The following HACD3 variants were observed in gnomAD, a reference collection of about 807,000 sequenced individuals.
The protein encoded by HACD3 is 3-hydroxyacyl-CoA dehydratase 3.
Under a neutral mutation model 55.2 loss-of-function variants are expected in HACD3, and 30 were observed. That is an observed-to-expected ratio of 0.54 (90% CI 0.41 to 0.74). HACD3 has a LOEUF of 0.74. HACD3 is among the 30% of genes least tolerant of loss of function. HACD3 has a pLI of 0.00. For missense variants in HACD3, 363 were observed against 440.1 expected (o/e 0.82, Z 1.57); for synonymous variants, 141 against 151.7 (o/e 0.93, Z 0.52).
intron 1 of HACD3, among the ~76,000 whole-genome samples, chr15:65,543,880 G>C (rs902151129): frequency 1.3e-5 from 2 of 152,154 alleles, no homozygotes; most frequent in African/African-American, 2.4e-5. Context: ...GATCACAAAA[G>C]AAAATCTGTG....
At chr15:65,549,773 A>C (rs2072114726) in intron 1 of HACD3, among the ~76,000 whole-genome samples, 1 of 152,192 alleles carries the variant, frequency 6.6e-6, no homozygotes, top group South Asian at 2.1e-4. Context: ...ACACTTAGCT[A>C]AGTATTAATA....
chr15:65,568,632 T>C (rs2072317027), intron 7 of HACD3, among the ~76,000 whole-genome samples: 1 of 152,120 alleles, frequency 6.6e-6, no homozygotes, highest in Non-Finnish European at 1.5e-5. Flanking sequence ...GTGCTGGGAT[T>C]ACAGGCATGA....
In HACD3 at chr15:65,576,610, A is replaced by G; in HGVS notation, c.*231A>G. 2 of 554,886 alleles carry G rather than the reference A, an allele frequency of 3.6e-6. No homozygotes were observed. The highest frequency in any genetic ancestry group is 2.3e-5 in the South Asian group (1 of 44,252). 34.4% of individuals were successfully genotyped at this position (554,886 alleles called of 1,614,324 possible). ...AGGTTCATTCTTGTGTATTCAGTTA[A>G]TGACACCAAAAGGCTCAGCCCACCC... is the stretch of plus-strand genomic sequence containing the variant. On this transcript the variant is annotated 3_prime_UTR_variant, in exon 11 of 11. Transcript: ENST00000261875.
At chr15:65,544,811 C>T (rs958531721) in intron 1 of HACD3, among the ~76,000 whole-genome samples, 13 of 152,212 alleles carry the variant, frequency 8.5e-5, no homozygotes, top group African/African-American at 2.6e-4. Flanking sequence ...CACCAGAGGT[C>T]GGGAGTTTGA....
Position 65,576,449 on chromosome 15 carries a change from C to CCAAT in HACD3, c.*71_*74dup, listed in dbSNP as rs1252682727. 1 of 1,468,392 alleles carries CCAAT rather than the reference C, an allele frequency of 6.8e-7. No individual in the cohort carries two copies. Among genetic ancestry groups the CCAAT allele is most frequent in the African/African-American group, 1.4e-5 (1 of 69,666 alleles). 91.0% of individuals were successfully genotyped at this position (1,468,392 alleles called of 1,614,324 possible). On this transcript the variant is annotated 3_prime_UTR_variant, in exon 11 of 11. Transcript: ENST00000261875. Reference sequence around the variant, plus strand: ...ATTCTTACAGTTTTACCTTCTTGAACCAATGTAAAAGTTTTTTTAATGTTA... The same window carrying CCAAT: ...ATTCTTACAGTTTTACCTTCTTGAACCAATCAATGTAAAAGTTTTTTTAATGTTA...
chr15:65,562,479 A>C (rs754473217), intron 5 of HACD3, among the ~76,000 whole-genome samples: 2 of 152,228 alleles, frequency 1.3e-5, no homozygotes, highest in Non-Finnish European at 2.9e-5. Flanking sequence ...CACATATCAT[A>C]ATATCACACC....
At position 65,576,460 on chromosome 15, in the gene HACD3, G is replaced by GT. The variant is rs1222130880; in HGVS notation, c.*88dup. 4.3e-6 allele frequency: 6 copies of GT among 1,411,166 alleles called. No individual in the cohort carries two copies. Among genetic ancestry groups the GT allele is most frequent in the South Asian group, 4.0e-5 (3 of 74,328 alleles). The allele number at this position is 1,411,166 out of a possible 1,614,324, so 87.4% of individuals were successfully genotyped here. On this transcript the variant is annotated 3_prime_UTR_variant, in exon 11 of 11. Transcript: ENST00000261875. ...TTTACCTTCTTGAACCAATGTAAAA[G>GT]TTTTTTTAATGTTAAATGATTAAAT... is the stretch of plus-strand genomic sequence containing the variant.
rs556519164 is a variant in HACD3, at chr15:65,550,656, A to G, written c.88-1020A>G. 4.6e-5 allele frequency among the ~76,000 whole-genome samples: 7 copies of G among 152,346 alleles called. No individual in the cohort carries two copies. In the East Asian group the frequency reaches 1.4e-3, roughly 29 times the overall value. On this transcript the variant is annotated intron_variant, in intron 1 of 10. Transcript: ENST00000261875. ...CACCCAATATGTAGTGGCTTAAAGC[A>G]ACAATAGTCGTTTATTGTCTCTCAC...
intron 1 of HACD3, chr15:65,551,080 A>G (rs2072127429): frequency 6.6e-6 from 1 of 152,092 alleles, no homozygotes; most frequent in Non-Finnish European, 1.5e-5. Context: ...TTCATTCACC[A>G]CCTGCAATCC....
At position 65,576,580 on chromosome 15, in the gene HACD3, A is replaced by C; in HGVS notation, c.*201A>C. On this transcript the variant is annotated 3_prime_UTR_variant, in exon 11 of 11. Coordinates refer to ENST00000261875, the MANE Select transcript of HACD3 (RefSeq NM_016395.4). Reference sequence around the variant, plus strand: ...GCATGACATGGATTCCTGATATCTGATGAGAGGTTCATTCTTGTGTATTCA... The same window carrying C: ...GCATGACATGGATTCCTGATATCTGCTGAGAGGTTCATTCTTGTGTATTCA... The C allele has an allele frequency of 1.6e-6, 1 of 620,756 alleles. No homozygotes were observed. The highest frequency in any genetic ancestry group is 2.1e-5 in the South Asian group (1 of 48,300). 38.5% of individuals were successfully genotyped at this position (620,756 alleles called of 1,614,324 possible).
intron 1 of HACD3, among the ~76,000 whole-genome samples, chr15:65,536,867 T>A (rs1223140347): frequency 6.6e-6 from 1 of 152,188 alleles, no homozygotes; most frequent in Non-Finnish European, 1.5e-5. Flanking sequence ...GGAAGGCATG[T>A]CAAAACTGAG....
chr15:65,560,258 A>G (rs561597708), intron 5 of HACD3, among the ~76,000 whole-genome samples: 107 of 152,316 alleles, frequency 7.0e-4, no homozygotes, highest in African/African-American at 2.5e-3. Flanking sequence ...TCTGTAGCCT[A>G]GGAATAAATA....
chr15:65,571,401 T>G, intron 8 of HACD3, 147 bp from the exon 9 acceptor site: 1 of 592,450 alleles, frequency 1.7e-6, no homozygotes, highest in Non-Finnish European at 3.0e-6. Context: ...GTGGCAGGAG[T>G]TTATGGGTTG....
In HACD3 at chr15:65,572,276, G is replaced by C; in HGVS notation, c.922G>C (p.Gly308Arg). 1 of 1,613,338 alleles carries C rather than the reference G, an allele frequency of 6.2e-7. No individual in the cohort carries two copies. Among genetic ancestry groups the C allele is most frequent in the Non-Finnish European group, 8.5e-7 (1 of 1,179,758 alleles). The part of the protein sequence containing the change: ...IQSIPIFNET[G>R]RFSFTLPYPV... ...GTCCATTCCAATATTCAATGAGACC[G>C]GACGATTCAGTTTCACATTGCCATA... The change falls in exon 10 of 11, where the codon GGA becomes CGA. Residue 308 changes from glycine to arginine, a missense_variant. Physicochemically the swap from Gly to Arg is moderately radical, Grantham distance 125 (BLOSUM62 -2). Transcript: ENST00000261875.
chr15:65,567,876 T>G (rs2072307748), intron 7 of HACD3, among the ~76,000 whole-genome samples: 1 of 152,166 alleles, frequency 6.6e-6, no homozygotes, highest in African/African-American at 2.4e-5. Flanking sequence ...AGGATGGTGT[T>G]TGCCAGGGGC....
Position 65,570,136 on chromosome 15 carries a change from G to A in HACD3, c.706G>A (p.Glu236Lys), listed in dbSNP as rs2072333887. Reference sequence around the variant, plus strand: ...TTTGTTTATCATCTTTGGCACCATGGAAGAAATGCAGAACAAAGCTGTGGT... The same window carrying A: ...TTTGTTTATCATCTTTGGCACCATGAAAGAAATGCAGAACAAAGCTGTGGT... Reference protein sequence around the residue: ...FILFIIFGTMEEMQNKAVVFF... With the variant: ...FILFIIFGTMKEMQNKAVVFF... The change falls in exon 8 of 11, where the codon GAA becomes AAA. Residue 236 changes from glutamate (E) to lysine (K), a missense_variant. By Grantham distance (56) the Glu-to-Lys change is moderately conservative. Transcript: ENST00000261875. 6.2e-7 allele frequency: 1 copy of A among 1,612,972 alleles called. No individual in the cohort carries two copies. The highest frequency in any genetic ancestry group is 1.6e-4 in the Middle Eastern group (1 of 6,084).
In HACD3 at chr15:65,553,221, A is replaced by T. The variant is rs573613768; in HGVS notation, c.130+1503A>T. Reference sequence around the variant, plus strand: ...CTTTTTAAACATTTAAAAAAATAATAATTATTTATTACATCCCTTCTCACT... The same window carrying T: ...CTTTTTAAACATTTAAAAAAATAATTATTATTTATTACATCCCTTCTCACT... On this transcript the variant is annotated intron_variant, in intron 2 of 10. Coordinates refer to ENST00000261875, the MANE Select transcript of HACD3 (RefSeq NM_016395.4). 4.6e-5 allele frequency: 7 copies of T among 152,118 alleles called. No homozygotes were observed. The East Asian group carries it at 1.4e-3, about 29-fold the overall frequency. The allele number at this position is 152,118 out of a possible 1,614,324, so 9.4% of individuals were successfully genotyped here. A position where few individuals can be genotyped will look rare whatever the true frequency, so the allele number is the denominator to read the frequency against.
At chr15:65,540,478 T>C (rs764830642) in intron 1 of HACD3, among the ~76,000 whole-genome samples, 2 of 152,204 alleles carry the variant, frequency 1.3e-5, no homozygotes, top group Non-Finnish European at 2.9e-5. Flanking sequence ...AGAGGTGATA[T>C]TCTAGCCGGG....
At chr15:65,568,750 C>T (rs531517842) in intron 7 of HACD3, among the ~76,000 whole-genome samples, 94 of 152,232 alleles carry the variant, frequency 6.2e-4, no homozygotes, top group African/African-American at 2.2e-3. Flanking sequence ...AAATTGGGGA[C>T]TTACCCTATA....
Sources: gnomAD v4.1 joint callset for allele counts (sites outside exome capture counted in the v4.1 genomes callset) on GRCh38, gnomAD v4.1.1 for gene constraint, MANE v1.5 for transcripts, NCBI Gene and HGNC (gene_info 2026-07-23, HGNC 2026-07-21) for gene names.